AIG1: variants seen among roughly 807,000 people sequenced by gnomAD.
The protein encoded by AIG1 is androgen induced 1, also known as androgen-induced gene 1 protein.
In AIG1, 23 loss-of-function variants were observed where a neutral mutation model predicts 31.4. The observed-to-expected ratio is 0.73, with a 90% CI of 0.53 to 1.04. AIG1 has a LOEUF of 1.04. Ranked by LOEUF, AIG1 falls within the 50% of genes least tolerant of loss-of-function variation. AIG1 has a pLI of 0.00. For missense variants in AIG1, 274 were observed against 295.0 expected, an observed-to-expected ratio of 0.93 and a Z score of 0.52; for synonymous variants, 100 against 110.5, an observed-to-expected ratio of 0.90 and a Z score of 0.60.
At chr6:143,304,834 C>A (rs1413259178) in intron 4 of AIG1, among the ~76,000 whole-genome samples, 1 of 152,072 alleles carries the variant, frequency 6.6e-6, no homozygotes, top group East Asian at 1.9e-4. Context: ...TGGTAGAATT[C>A]GGCTGTGAAT....
At chr6:143,096,357 C>T (rs978197821) in intron 1 of AIG1, among the ~76,000 whole-genome samples, 1 of 152,176 alleles carries the variant, frequency 6.6e-6, no homozygotes, top group Non-Finnish European at 1.5e-5. Flanking sequence ...GCTTTTCCTG[C>T]CTTCATTGCT....
At chr6:143,281,292 T>C (rs1562553347) in intron 3 of AIG1, among the ~76,000 whole-genome samples, 2 of 152,314 alleles carry the variant, frequency 1.3e-5, no homozygotes, top group East Asian at 3.9e-4. Flanking sequence ...ATATAAGATG[T>C]TGTTTTGAAG....
rs539377348 is a variant in AIG1 at position 143,320,240 on chromosome 6, A to G, written c.516-13042A>G. Among the ~76,000 whole-genome samples the G allele has an allele frequency of 9.2e-5, 14 of 152,344 alleles. No homozygotes were observed. The South Asian group carries it at 2.7e-3, about 29-fold the overall frequency. On this transcript the variant is annotated intron_variant, in intron 4 of 5. Coordinates refer to ENST00000357847, the MANE Select transcript of AIG1 (RefSeq NM_016108.4). ...ATGAGTGTTTGCAAGGATATGGACA[A>G]AAGGGAACCCTTGTACACTGTTGAT... is the stretch of plus-strand genomic sequence containing the variant.
chr6:143,115,015 G>A (rs982139841), intron 1 of AIG1, among the ~76,000 whole-genome samples: 4 of 152,104 alleles, frequency 2.6e-5, no homozygotes, highest in Non-Finnish European at 5.9e-5. Context: ...ATTATACATC[G>A]TGAGCATTTT....
intron 3 of AIG1, among the ~76,000 whole-genome samples, chr6:143,206,234 C>T (rs1032454821): frequency 2.6e-5 from 4 of 152,184 alleles, no homozygotes; most frequent in Non-Finnish European, 5.9e-5. Context: ...TTCCACAATG[C>T]AGTGTTGATG....
rs975320220 is a variant in AIG1, at chr6:143,072,354, A to G, written c.141+11288A>G. ...ATGGGAGTTTCTTTTTTTTATTTAG[A>G]CTATCATGTCACCTGTTAATAGAGA... On this transcript the variant is annotated intron_variant, in intron 1 of 5. Coordinates refer to ENST00000357847, the MANE Select transcript of AIG1 (RefSeq NM_016108.4). Among the ~76,000 whole-genome samples the G allele has an allele frequency of 2.0e-5, 3 of 152,002 alleles. No homozygotes were observed. The East Asian group carries it at 5.8e-4, about 29-fold the overall frequency.
rs567215687 is a variant in AIG1, at chr6:143,312,818, C to T, written c.516-20464C>T. On this transcript the variant is annotated intron_variant, in intron 4 of 5. Coordinates refer to ENST00000357847, the MANE Select transcript of AIG1 (RefSeq NM_016108.4). The stretch of plus-strand genomic sequence containing the variant: ...TACTTGAAAACCACCTGTCTAACAA[C>T]GGATTAATAACTAGAATATACAAGG... 1.5e-4 allele frequency among the ~76,000 whole-genome samples: 23 copies of T among 151,992 alleles called. No homozygotes were observed. In the South Asian group the frequency reaches 2.3e-3, roughly 15 times the overall value.
chr6:143,293,714 C>T lies in AIG1; in HGVS notation c.515+9489C>T, dbSNP rs1001637029. Among the ~76,000 whole-genome samples, 3 of 152,116 alleles carry T rather than the reference C, an allele frequency of 2.0e-5. No individual in the cohort carries two copies. The highest frequency in any genetic ancestry group is 7.2e-5 in the African/African-American group (3 of 41,420). On this transcript the variant is annotated intron_variant, in intron 4 of 5. Transcript: ENST00000357847. The surrounding 1 kb of genome is among the most constrained non-coding windows in gnomAD (Gnocchi z 4.8). ...GGGAGTACATGAAGAACTAGAATTC[C>T]CCATGTGCTATTAACCTTGCCCCAC...
chr6:143,176,637 T>C (rs1259090521), intron 3 of AIG1, among the ~76,000 whole-genome samples: 1 of 152,172 alleles, frequency 6.6e-6, no homozygotes, highest in Non-Finnish European at 1.5e-5. Flanking sequence ...GGGAAAGCCA[T>C]CAGCCACAGG....
intron 3 of AIG1, among the ~76,000 whole-genome samples, chr6:143,192,747 G>C (rs1015752550): frequency 4.6e-5 from 7 of 152,148 alleles, no homozygotes; most frequent in Admixed American, 1.3e-4. Flanking sequence ...TCTAGTGAAG[G>C]AGACAAATAT....
In AIG1 at chr6:143,284,394, G is replaced by C. The variant is rs916213825; in HGVS notation, c.515+169G>C. 3.3e-5 allele frequency among the ~76,000 whole-genome samples: 5 copies of C among 152,196 alleles called. No homozygotes were observed. Among genetic ancestry groups the C allele is most frequent in the African/African-American group, 1.2e-4 (5 of 41,446 alleles). On this transcript the variant is annotated intron_variant, in intron 4 of 5. Coordinates refer to ENST00000357847, the MANE Select transcript of AIG1 (RefSeq NM_016108.4). This position sits in a 1 kb window ranked among gnomAD's most constrained non-coding sequence, Gnocchi z 4.4. ...CCCCAGATGCTTATATTTTTAGAAAGTATATGCCAAACCTCACACAACAGG... is the reference window on the plus strand; with the variant it reads ...CCCCAGATGCTTATATTTTTAGAAACTATATGCCAAACCTCACACAACAGG...
At chr6:143,249,045 T>G (rs1356572331) in intron 3 of AIG1, among the ~76,000 whole-genome samples, 1 of 152,230 alleles carries the variant, frequency 6.6e-6, no homozygotes, top group Non-Finnish European at 1.5e-5. Context: ...AAAAGTAAAG[T>G]ATATAATTAT....
intron 3 of AIG1, among the ~76,000 whole-genome samples, chr6:143,211,309 G>A (rs1268664461): frequency 6.6e-6 from 1 of 152,110 alleles, no homozygotes; most frequent in African/African-American, 2.4e-5. Context: ...TTTGCTGTGG[G>A]AGATTTATAT....
At chr6:143,332,108 G>A (rs1212130015) in intron 4 of AIG1, among the ~76,000 whole-genome samples, 1 of 152,032 alleles carries the variant, frequency 6.6e-6, no homozygotes, top group African/African-American at 2.4e-5. Context: ...CTGACCTCAG[G>A]TGACCCACCC....
intron 1 of AIG1, among the ~76,000 whole-genome samples, chr6:143,134,335 A>G (rs1387799927): frequency 1.3e-5 from 2 of 150,346 alleles, no homozygotes; most frequent in Non-Finnish European, 3.0e-5. Context: ...TGCATCCTTA[A>G]ATTTATCTTT....
intron 3 of AIG1, among the ~76,000 whole-genome samples, chr6:143,274,472 A>G (rs942569901): frequency 2.6e-5 from 4 of 152,262 alleles, no homozygotes; most frequent in Non-Finnish European, 4.4e-5. Context: ...AATAGATCTC[A>G]TAGAATAACT....
intron 4 of AIG1, among the ~76,000 whole-genome samples, chr6:143,303,353 T>C (rs1474353692): frequency 1.3e-5 from 2 of 152,038 alleles, no homozygotes; most frequent in African/African-American, 2.4e-5. Context: ...GTTTTTATGG[T>C]TTTAGGTCTA....
chr6:143,143,089 T>C (rs896434634), intron 2 of AIG1, among the ~76,000 whole-genome samples: 3 of 152,062 alleles, frequency 2.0e-5, no homozygotes, highest in African/African-American at 7.2e-5. Context: ...TTAATATTGA[T>C]GACTAATATT....
intron 2 of AIG1, among the ~76,000 whole-genome samples, chr6:143,151,453 T>C (rs1785215135): frequency 6.6e-6 from 1 of 152,168 alleles, no homozygotes; most frequent in Non-Finnish European, 1.5e-5. Flanking sequence ...TATAACTTGC[T>C]ATATATTTTC....
Sources: gnomAD v4.1 joint callset for allele counts (sites outside exome capture counted in the v4.1 genomes callset) on GRCh38, gnomAD v4.1.1 for gene constraint, Gnocchi (gnomAD v3.1) non-coding constraint, MANE v1.5 for transcripts, NCBI Gene and HGNC (gene_info 2026-07-23, HGNC 2026-07-21) for gene names.